Variants in FARP1 observed in about 807,000 individuals in gnomAD.
FARP1 encodes the protein FERM, ARH/RhoGEF and pleckstrin domain protein 1, also known as FERM, ARHGEF and pleckstrin domain-containing protein 1.
A neutral mutation model predicts 128.8 loss-of-function variants in FARP1; 52 were observed. That is an observed-to-expected ratio of 0.40 (90% CI 0.32 to 0.51). The LOEUF (loss-of-function observed/expected upper bound fraction) is 0.51, where lower values mean the gene tolerates loss of function less well. Ranked by LOEUF, FARP1 falls within the 20% of genes least tolerant of loss-of-function variation. FARP1 has a pLI of 0.45. For missense variants in FARP1, 1,333 were observed against 1,367.9 expected, an observed-to-expected ratio of 0.97 and a Z score of 0.40; for synonymous variants, 580 against 551.8, an observed-to-expected ratio of 1.05 and a Z score of -0.72.
At chr13:98,149,518 G>GC (rs1875821495) in intron 1 of FARP1, among the ~76,000 whole-genome samples, 1 of 151,976 alleles carries the variant, frequency 6.6e-6, no homozygotes, top group Non-Finnish European at 1.5e-5. Context: ...GAAAGCGTTG[G>GC]CACCATTTTA....
At chr13:98,446,408 T>C in intron 25 of FARP1, 1 of 601,770 alleles carries the variant, frequency 1.7e-6, no homozygotes, top group Non-Finnish European at 2.9e-6. Flanking sequence ...AAGGACAACT[T>C]CTGCCCTAGG....
chr13:98,186,320 C>T (rs965110782), intron 1 of FARP1, among the ~76,000 whole-genome samples: 3 of 152,038 alleles, frequency 2.0e-5, no homozygotes, highest in Admixed American at 6.5e-5. Context: ...GTTGATCAGG[C>T]TGATCTTGAA....
At chr13:98,372,191 A>G (rs1436661155) in intron 5 of FARP1, among the ~76,000 whole-genome samples, 1 of 146,294 alleles carries the variant, frequency 6.8e-6, no homozygotes, top group East Asian at 2.0e-4. Flanking sequence ...GGTTCAAGCG[A>G]TTCTTCTGCA....
At chr13:98,379,495 C>G (rs1889807449) in intron 6 of FARP1, among the ~76,000 whole-genome samples, 1 of 151,748 alleles carries the variant, frequency 6.6e-6, no homozygotes, top group Non-Finnish European at 1.5e-5. Context: ...ACCCCCCAGC[C>G]TCCATTTCTT....
chr13:98,160,302 A>G (rs1876786956), intron 1 of FARP1, among the ~76,000 whole-genome samples: 1 of 152,168 alleles, frequency 6.6e-6, no homozygotes. Context: ...TGTAGGCGTG[A>G]TGGTGGGGCC....
chr13:98,365,734 A>G (rs1216412306), intron 4 of FARP1, among the ~76,000 whole-genome samples: 1 of 152,184 alleles, frequency 6.6e-6, no homozygotes, highest in African/African-American at 2.4e-5. Context: ...TGTCTATGCC[A>G]TTGTTCCTTT....
chr13:98,377,705 ATGCAG>A (rs1447035833), intron 5 of FARP1, 111 bp from the exon 6 acceptor site: 1 of 705,622 alleles, frequency 1.4e-6, no homozygotes, highest in Non-Finnish European at 2.5e-6. Context: ...GTTCCAGCCC[ATGCAG>A]ACTTCGTGGT....
chr13:98,169,559 G>A (rs940465458), intron 1 of FARP1, among the ~76,000 whole-genome samples: 12 of 152,104 alleles, frequency 7.9e-5, no homozygotes, highest in East Asian at 1.9e-4. Context: ...ACCTTGTCTC[G>A]TCTCTTGAAA....
intron 13 of FARP1, chr13:98,401,153 T>C (rs754041377): frequency 6.6e-6 from 1 of 152,186 alleles, no homozygotes; most frequent in Non-Finnish European, 1.5e-5. Context: ...AAAGGTACGA[T>C]TGAATGAACT....
intron 5 of FARP1, among the ~76,000 whole-genome samples, chr13:98,369,431 T>C (rs920476672): frequency 5.9e-5 from 9 of 151,322 alleles, no homozygotes; most frequent in Non-Finnish European, 8.8e-5. Context: ...TAGTTACATA[T>C]GTATACATGT....
upstream of FARP1, chr13:98,143,009 C>CCGCG (rs1207117525): frequency 6.7e-6 from 1 of 148,604 alleles, no homozygotes; most frequent in Non-Finnish European, 1.5e-5. Flanking sequence ...TGTGGCTCTC[C>CCGCG]CGCGTCCCCG....
At chr13:98,206,418 C>A (rs888216017) in intron 1 of FARP1, among the ~76,000 whole-genome samples, 1 of 152,150 alleles carries the variant, frequency 6.6e-6, no homozygotes, top group Non-Finnish European at 1.5e-5. Flanking sequence ...GCACACCTGT[C>A]CCTGTTATTC....
chr13:98,203,500 T>C (rs1880082972), intron 1 of FARP1, among the ~76,000 whole-genome samples: 1 of 152,244 alleles, frequency 6.6e-6, no homozygotes, highest in Non-Finnish European at 1.5e-5. Flanking sequence ...ATCATAGGTT[T>C]ATGGTGTCTT....
At position 98,409,517 on chromosome 13, in the gene FARP1, C is replaced by A. The variant is rs754777712; in HGVS notation, c.1594C>A (p.Arg532=). 6.8e-6 allele frequency: 11 copies of A among 1,609,666 alleles called. No individual in the cohort carries two copies. In the Admixed American group the frequency reaches 1.7e-4, roughly 25 times the overall value. The change falls in exon 14 of 27, where the codon CGG becomes AGG. Residue 532 remains arginine (R), a synonymous_variant. Transcript: ENST00000319562. ...CCGGACGGACGATGAGGATGAGGGC[C>A]GGAGGAAGGTACAGGGCCGAGGGCT... ...CPRTDDEDEG[R]RKRFPTDKAY... is the part of the protein sequence containing the mutation.
chr13:98,171,278 T>C (rs1416692251), intron 1 of FARP1, among the ~76,000 whole-genome samples: 2 of 152,222 alleles, frequency 1.3e-5, no homozygotes, highest in Admixed American at 6.5e-5. Context: ...ATAAACTTCT[T>C]TGGGGTTTGG....
intron 8 of FARP1, among the ~76,000 whole-genome samples, chr13:98,386,180 T>A (rs1235160767): frequency 2.1e-5 from 3 of 145,250 alleles, no homozygotes; most frequent in African/African-American, 7.9e-5. Flanking sequence ...TTTGCTGTAA[T>A]GTGATCCTTT....
chr13:98,312,264 C>T (rs1468555097), intron 2 of FARP1, among the ~76,000 whole-genome samples: 6 of 151,422 alleles, frequency 4.0e-5, no homozygotes, highest in Non-Finnish European at 7.4e-5. Context: ...CCTCAGCCTC[C>T]CTAGTAGCTG....
intron 6 of FARP1, among the ~76,000 whole-genome samples, chr13:98,379,886 G>C (rs1889825454): frequency 6.6e-6 from 1 of 152,184 alleles, no homozygotes. Context: ...CACAGATAGA[G>C]AGGGCCAGCT....
intron 17 of FARP1, among the ~76,000 whole-genome samples, chr13:98,429,348 G>A (rs1273108972): frequency 2.0e-5 from 3 of 152,194 alleles, no homozygotes; most frequent in Non-Finnish European, 2.9e-5. Flanking sequence ...AGGGTGAGTC[G>A]CAAGCGTCAA....
Sources: allele counts gnomAD v4.1 joint callset (sites outside exome capture counted in the v4.1 genomes callset), GRCh38; gene constraint gnomAD v4.1.1; transcripts MANE v1.5; gene names NCBI Gene and HGNC (gene_info 2026-07-23, HGNC 2026-07-21).